PCDHGA1: variants seen among roughly 807,000 people sequenced by gnomAD.
PCDHGA1 encodes the protein protocadherin gamma-A1.
PCDHGA1 carries 32 observed loss-of-function variants against 58.0 expected under a neutral mutation model. The observed-to-expected ratio is 0.55, with a 90% CI of 0.42 to 0.74. PCDHGA1 has a LOEUF of 0.74. PCDHGA1 is among the 30% of genes least tolerant of loss of function. The pLI is 0.00. For synonymous variants in PCDHGA1, 498 were observed against 501.1 expected (o/e 0.99, Z 0.08); for missense variants, 1,205 against 1,182.3 (o/e 1.02, Z -0.28).
intron 1 of PCDHGA1, chr5:141,351,494 G>T (rs1022210735): frequency 1.2e-6 from 2 of 1,613,868 alleles, no homozygotes; most frequent in African/African-American, 2.7e-5. Flanking sequence ...GGAGCAGACA[G>T]CAGACTACAA....
Position 141,338,674 on chromosome 5 carries a change from AG to A in PCDHGA1, c.2421+5571del, listed in dbSNP as rs559619993. Reference sequence around the variant, plus strand: ...AAGGCAAACAAACAAGAAGTAACTTAGGTTTTCCTGAGCAGGTGCAGAAATT... The same window carrying A: ...AAGGCAAACAAACAAGAAGTAACTTAGTTTTCCTGAGCAGGTGCAGAAATT... On this transcript the variant is annotated intron_variant, in intron 1 of 3. Coordinates refer to ENST00000517417, the MANE Select transcript of PCDHGA1 (RefSeq NM_018912.3). The A allele has an allele frequency of 1.6e-4, 53 of 340,976 alleles. No individual in the cohort carries two copies. The South Asian group carries it at 5.2e-3, about 33-fold the overall frequency. 21.1% of individuals were successfully genotyped at this position (340,976 alleles called of 1,614,324 possible). A position where few individuals can be genotyped will look rare whatever the true frequency, so the allele number is the denominator to read the frequency against.
At chr5:141,462,893 G>A (rs577241413) in intron 1 of PCDHGA1, among the ~76,000 whole-genome samples, 68 of 152,170 alleles carry the variant, frequency 4.5e-4, no homozygotes, top group African/African-American at 1.4e-3. Context: ...AGTTTGTTTT[G>A]GAAGGCTATT....
chr5:141,341,632 C>A (rs1757074117), intron 1 of PCDHGA1: 2 of 796,064 alleles, frequency 2.5e-6, no homozygotes, highest in Non-Finnish European at 3.9e-6. Flanking sequence ...ATAAGATTAT[C>A]CAAAGAGCAC....
intron 3 of PCDHGA1, among the ~76,000 whole-genome samples, chr5:141,510,204 C>T (rs1403130911): frequency 1.3e-5 from 2 of 150,304 alleles, no homozygotes; most frequent in Admixed American, 1.3e-4. Flanking sequence ...GCCCAGGAGG[C>T]AGAGGTTGCA....
At chr5:141,360,363 A>T (rs1213185009) in intron 1 of PCDHGA1, 1 of 1,613,936 alleles carries the variant, frequency 6.2e-7, no homozygotes, top group Non-Finnish European at 8.5e-7. Context: ...AATATTTCAC[A>T]GTAAACCCAG....
intron 1 of PCDHGA1, among the ~76,000 whole-genome samples, chr5:141,373,441 T>C (rs1232465888): frequency 2.0e-5 from 3 of 152,218 alleles, no homozygotes; most frequent in African/African-American, 7.2e-5. Flanking sequence ...GAGGATCCCT[T>C]GATCCCAGGA....
chr5:141,370,817 A>C, intron 1 of PCDHGA1: 1 of 1,614,046 alleles, frequency 6.2e-7, no homozygotes, highest in Non-Finnish European at 8.5e-7. Context: ...CTGAGCTGGA[A>C]ATCAGCGAAC....
At chr5:141,398,425 C>G (rs2093656331) in intron 1 of PCDHGA1, 2 of 1,519,432 alleles carry the variant, frequency 1.3e-6, no homozygotes, top group East Asian at 2.3e-5. Flanking sequence ...CGGGAAGAAG[C>G]CAGCTTGTGC....
chr5:141,389,553 G>A, intron 1 of PCDHGA1: 1 of 1,613,234 alleles, frequency 6.2e-7, no homozygotes, highest in South Asian at 1.1e-5. Context: ...CAACGACAAT[G>A]CGCCACGGGT....
In PCDHGA1 at chr5:141,352,251, T is replaced by C. The variant is rs201454130; in HGVS notation, c.2421+19146T>C. ...CTGCACCTAATCTTCGCGGATAGCC[T>C]GCAAGAGGTATTGCCAGACCTCAGC... On this transcript the variant is annotated intron_variant, in intron 1 of 3. Coordinates refer to ENST00000517417, the MANE Select transcript of PCDHGA1 (RefSeq NM_018912.3). 14 of 1,614,082 alleles carry C rather than the reference T, an allele frequency of 8.7e-6. No homozygotes were observed. The highest frequency in any genetic ancestry group is 1.1e-5 in the Non-Finnish European group (13 of 1,179,902).
chr5:141,509,067 C>T (rs987332283), intron 3 of PCDHGA1, among the ~76,000 whole-genome samples: 1 of 152,132 alleles, frequency 6.6e-6, no homozygotes, highest in African/African-American at 2.4e-5. Flanking sequence ...CTCTCAGCTC[C>T]GGGGATTTGC....
At chr5:141,398,878 C>T in intron 1 of PCDHGA1, 2 of 1,613,968 alleles carry the variant, frequency 1.2e-6, no homozygotes, top group Non-Finnish European at 1.7e-6. Context: ...CAGAGTCAGC[C>T]TTCGGGAAAA....
chr5:141,399,618 G>A, intron 1 of PCDHGA1: 1 of 1,613,914 alleles, frequency 6.2e-7, no homozygotes, highest in Non-Finnish European at 8.5e-7. Context: ...CTCTGGCACT[G>A]GCCTCTTACG....
At chr5:141,482,343 A>G (rs1016179369) in intron 1 of PCDHGA1, among the ~76,000 whole-genome samples, 3 of 152,126 alleles carry the variant, frequency 2.0e-5, no homozygotes, top group Non-Finnish European at 2.9e-5. Flanking sequence ...TACTTTGCAA[A>G]CTTGTTGTGA....
chr5:141,489,205 G>A lies in PCDHGA1; in HGVS notation c.2422-5602G>A. 2.1e-6 allele frequency: 3 copies of A among 1,438,682 alleles called. No homozygotes were observed. Among genetic ancestry groups the A allele is most frequent in the Non-Finnish European group, 1.9e-6 (2 of 1,060,944 alleles). 89.1% of individuals were successfully genotyped at this position (1,438,682 alleles called of 1,614,324 possible). On this transcript the variant is annotated intron_variant, in intron 1 of 3. Coordinates refer to ENST00000517417, the MANE Select transcript of PCDHGA1 (RefSeq NM_018912.3). The surrounding 1 kb of genome is among the most constrained non-coding windows in gnomAD (Gnocchi z 4.5). ...CTGGGTCTACCTTGGAGACAGGACA[G>A]CACAGACTTACTCTCCACAAAGGGA...
chr5:141,470,791 A>G (rs1234712958), intron 1 of PCDHGA1, among the ~76,000 whole-genome samples: 3 of 152,152 alleles, frequency 2.0e-5, no homozygotes, highest in African/African-American at 7.2e-5. Context: ...GGGCTCAAGC[A>G]ATCCTCCCAC....
intron 1 of PCDHGA1, chr5:141,393,596 G>T (rs775299518): frequency 1.2e-6 from 2 of 1,613,900 alleles, no homozygotes; most frequent in Non-Finnish European, 8.5e-7. Context: ...GCACGCGGCT[G>T]CTTACTGTAA....
At chr5:141,398,036 A>C (rs151208588) in intron 1 of PCDHGA1, 2 of 1,478,020 alleles carry the variant, frequency 1.4e-6, no homozygotes, top group African/African-American at 2.8e-5. Context: ...CTGGAACTAA[A>C]GCCCGTTCGG....
chr5:141,342,312 C>T (rs569566416), intron 1 of PCDHGA1: 1 of 152,312 alleles, frequency 6.6e-6, no homozygotes, highest in Admixed American at 6.5e-5. Flanking sequence ...ATCCCTCACC[C>T]AATCCCAGTG....
Sources: allele counts gnomAD v4.1 joint callset (sites outside exome capture counted in the v4.1 genomes callset), GRCh38; gene constraint gnomAD v4.1.1; non-coding constraint Gnocchi (gnomAD v3.1); transcripts MANE v1.5; gene names NCBI Gene and HGNC (gene_info 2026-07-23, HGNC 2026-07-21).